ST6GAL1: variants seen among roughly 807,000 people sequenced by gnomAD.
ST6GAL1 encodes the protein ST6 beta-galactoside alpha-2,6-sialyltransferase 1.
Under a neutral mutation model 38.0 loss-of-function variants are expected in ST6GAL1, and 20 were observed. The ratio of observed to expected loss-of-function variants is 0.53; its 90% CI spans 0.37 to 0.77. The LOEUF (loss-of-function observed/expected upper bound fraction) is 0.77, where lower values mean the gene tolerates loss of function less well. Ranked by LOEUF, ST6GAL1 falls within the 30% of genes least tolerant of loss-of-function variation. The pLI, the probability that ST6GAL1 is intolerant of heterozygous loss-of-function variation, is 0.00. For missense variants in ST6GAL1, 432 were observed against 496.4 expected, an observed-to-expected ratio of 0.87 and a Z score of 1.23; for synonymous variants, 196 against 188.2, an observed-to-expected ratio of 1.04 and a Z score of -0.34.
intron 2 of ST6GAL1, among the ~76,000 whole-genome samples, chr3:187,023,371 G>C (rs1488872309): frequency 6.6e-6 from 1 of 152,164 alleles, no homozygotes; most frequent in African/African-American, 2.4e-5. Flanking sequence ...TATAAGGTGA[G>C]TGCTGGAGGG....
intron 2 of ST6GAL1, among the ~76,000 whole-genome samples, chr3:187,002,962 A>G (rs1423475630): frequency 6.6e-6 from 1 of 152,268 alleles, no homozygotes; most frequent in Non-Finnish European, 1.5e-5. Context: ...TAAGAGAAAT[A>G]AAACAATGGC....
At chr3:186,935,145 G>A (rs1299089108) in intron 1 of ST6GAL1, among the ~76,000 whole-genome samples, 2 of 151,898 alleles carry the variant, frequency 1.3e-5, no homozygotes, top group Admixed American at 6.6e-5. Context: ...TCCCTGCTCC[G>A]TTTCCTCCTC....
Position 186,945,988 on chromosome 3 carries a change from CAA to C in ST6GAL1, c.-325+15173_-325+15174del, listed in dbSNP as rs71167026. 4.2e-3 allele frequency among the ~76,000 whole-genome samples: 302 copies of C among 71,478 alleles called. 1 individual carries two copies. The highest frequency in any genetic ancestry group is 0.014 in the African/African-American group (262 of 18,592). 46.9% of individuals were successfully genotyped at this position (71,478 alleles called of 152,430 possible). A position where few individuals can be genotyped will look rare whatever the true frequency, so the allele number is the denominator to read the frequency against. On this transcript the variant is annotated intron_variant, in intron 1 of 7. Coordinates refer to ENST00000169298, the MANE Select transcript of ST6GAL1 (RefSeq NM_173216.2). ...CTTGGGTGACAGAGCAAGACTCCGT[CAA>C]AAAAAAAAAAAAAAAAAAGAAGGGT...
rs985167603 is a variant in ST6GAL1, at chr3:187,038,852, C to G, written c.-72C>G. On this transcript the variant is annotated 5_prime_UTR_variant, in exon 3 of 8. Coordinates refer to ENST00000169298, the MANE Select transcript of ST6GAL1 (RefSeq NM_173216.2). ...TGAGGACCTGAAGGGCCTGCCGCCC[C>G]TGGGGGATTAGCCAGAAGCAGGTAA... 17 of 152,240 alleles carry G rather than the reference C, an allele frequency of 1.1e-4. No homozygotes were observed. The highest frequency in any genetic ancestry group is 4.1e-4 in the African/African-American group (17 of 41,444). 9.4% of individuals were successfully genotyped at this position (152,240 alleles called of 1,614,324 possible).
At chr3:187,001,251 C>T (rs1416850143) in intron 2 of ST6GAL1, among the ~76,000 whole-genome samples, 3 of 152,222 alleles carry the variant, frequency 2.0e-5, no homozygotes, top group East Asian at 1.9e-4. Flanking sequence ...ATGTCACTTT[C>T]CATACCCTCC....
intron 5 of ST6GAL1, among the ~76,000 whole-genome samples, chr3:187,064,096 T>TGA (rs989684164): frequency 2.1e-4 from 32 of 152,052 alleles, no homozygotes; most frequent in African/African-American, 7.0e-4. Context: ...TGAGACCACT[T>TGA]GAGAGGCATC....
chr3:186,967,255 A>C (rs914614351), intron 2 of ST6GAL1, among the ~76,000 whole-genome samples: 2 of 152,034 alleles, frequency 1.3e-5, no homozygotes, highest in Non-Finnish European at 2.9e-5. Context: ...GCGGTGGCGC[A>C]ATCTCAGCTC....
chr3:186,996,537 A>C (rs1406971740), intron 2 of ST6GAL1: 2 of 152,144 alleles, frequency 1.3e-5, no homozygotes, highest in African/African-American at 4.8e-5. Flanking sequence ...AGGGTTACGC[A>C]TTTGCTGCAG....
chr3:186,977,491 G>A (rs916646504), intron 2 of ST6GAL1, among the ~76,000 whole-genome samples: 1 of 152,230 alleles, frequency 6.6e-6, no homozygotes, highest in Non-Finnish European at 1.5e-5. Context: ...CACCCTGCCA[G>A]GTTGTCATGT....
In ST6GAL1 at chr3:187,071,539, G is replaced by C. The variant is rs145694269; in HGVS notation, c.706-1310G>C. ...CTGAGGTGGGCGGATCACGAGGTCAGGAGATCGAGACCATCCTGGCTAACA... is the reference window on the plus strand; with the variant it reads ...CTGAGGTGGGCGGATCACGAGGTCACGAGATCGAGACCATCCTGGCTAACA... On this transcript the variant is annotated intron_variant, in intron 5 of 7. Coordinates refer to ENST00000169298, the MANE Select transcript of ST6GAL1 (RefSeq NM_173216.2). 0.014 allele frequency among the ~76,000 whole-genome samples: 2,154 copies of C among 151,850 alleles called. 114 individuals carry two copies. In the East Asian group the frequency reaches 0.17, roughly 12 times the overall value.
chr3:187,068,097 C>G (rs965709111), intron 5 of ST6GAL1, among the ~76,000 whole-genome samples: 2 of 151,794 alleles, frequency 1.3e-5, no homozygotes, highest in African/African-American at 4.8e-5. Flanking sequence ...AATCCCAACA[C>G]TTTGGGAGGC....
At chr3:186,947,364 G>T (rs1038587614) in intron 1 of ST6GAL1, among the ~76,000 whole-genome samples, 12 of 152,184 alleles carry the variant, frequency 7.9e-5, no homozygotes, top group Non-Finnish European at 1.2e-4. Context: ...GCCCAGAGGC[G>T]CATGGTGGTG....
chr3:186,978,339 C>G (rs1203081520), intron 2 of ST6GAL1, among the ~76,000 whole-genome samples: 24 of 152,220 alleles, frequency 1.6e-4, no homozygotes, highest in Non-Finnish European at 1.5e-5. Flanking sequence ...GCTCCTGCCC[C>G]TTTCAGGATG....
chr3:187,008,436 A>G (rs1415009988), intron 2 of ST6GAL1, among the ~76,000 whole-genome samples: 1 of 152,154 alleles, frequency 6.6e-6, no homozygotes, highest in Non-Finnish European at 1.5e-5. Flanking sequence ...ATCCAAAACC[A>G]TGGTGGCCAA....
chr3:186,945,018 G>A (rs1714306870), intron 1 of ST6GAL1, among the ~76,000 whole-genome samples: 1 of 152,190 alleles, frequency 6.6e-6, no homozygotes, highest in Non-Finnish European at 1.5e-5. Flanking sequence ...TCTCAGACAT[G>A]ACTGAACAGG....
chr3:186,992,628 T>C (rs1189250110), intron 2 of ST6GAL1, among the ~76,000 whole-genome samples: 1 of 152,092 alleles, frequency 6.6e-6, no homozygotes, highest in Non-Finnish European at 1.5e-5. Context: ...ACCCCGTCTC[T>C]ACTAAAAATA....
At chr3:187,071,762 T>A (rs113387850) in intron 5 of ST6GAL1, among the ~76,000 whole-genome samples, 2 of 134,034 alleles carry the variant, frequency 1.5e-5, no homozygotes, top group Non-Finnish European at 3.1e-5. Context: ...TCGCCTTTTT[T>A]TGAGACTCCG....
chr3:187,001,238 T>A (rs935579111), intron 2 of ST6GAL1, among the ~76,000 whole-genome samples: 3 of 152,240 alleles, frequency 2.0e-5, no homozygotes, highest in African/African-American at 7.2e-5. Flanking sequence ...AGGGATGACC[T>A]GCATGTCACT....
intron 2 of ST6GAL1, among the ~76,000 whole-genome samples, chr3:186,981,033 A>G (rs187595565): frequency 6.6e-6 from 1 of 152,296 alleles, no homozygotes; most frequent in East Asian, 1.9e-4. Context: ...TGGGTGTGTT[A>G]ATATTCTAGA....
Sources: allele counts gnomAD v4.1 joint callset (sites outside exome capture counted in the v4.1 genomes callset), GRCh38; gene constraint gnomAD v4.1.1; transcripts MANE v1.5; gene names NCBI Gene and HGNC (gene_info 2026-07-23, HGNC 2026-07-21).